The following CAPN14 variants were observed in gnomAD, a reference collection of about 807,000 sequenced individuals.
CAPN14 encodes the protein calpain 14.
In CAPN14, 94 loss-of-function variants were observed where a neutral mutation model predicts 101.3. That is an observed-to-expected ratio of 0.93 (90% CI 0.79 to 1.10). CAPN14 has a LOEUF of 1.10. Ranked by LOEUF, CAPN14 falls within the 50% of genes least tolerant of loss-of-function variation. The pLI, the probability that CAPN14 is intolerant of heterozygous loss-of-function variation, is 0.00. For synonymous variants in CAPN14, 338 were observed against 317.9 expected, an observed-to-expected ratio of 1.06 and a Z score of -0.67; for missense variants, 837 against 828.4, an observed-to-expected ratio of 1.01 and a Z score of -0.13.
chr2:31,200,323 C>A, intron 6 of CAPN14, 128 bp downstream of exon 6: 2 of 822,712 alleles, frequency 2.4e-6, no homozygotes, highest in Admixed American at 5.9e-5. Context: ...CTGGTTTGAA[C>A]ACCAGGACCT....
chr2:31,223,365 T>C (rs1307560039), intron 2 of CAPN14, among the ~76,000 whole-genome samples: 1 of 152,150 alleles, frequency 6.6e-6, no homozygotes, highest in Non-Finnish European at 1.5e-5. Flanking sequence ...GCTCCTTAAA[T>C]TATTCACACA....
At chr2:31,191,374 C>A in intron 12 of CAPN14, 25 bp downstream of exon 12, 2 of 1,542,122 alleles carry the variant, frequency 1.3e-6, no homozygotes, top group Non-Finnish European at 1.7e-6. Context: ...CAAACTAGGG[C>A]CACCCGGTCA....
At chr2:31,187,016 C>T (rs1342142951) in intron 15 of CAPN14, among the ~76,000 whole-genome samples, 1 of 152,156 alleles carries the variant, frequency 6.6e-6, no homozygotes, top group Non-Finnish European at 1.5e-5. Flanking sequence ...TCTGATTTAT[C>T]CTCTCCAGCT....
chr2:31,191,255 A>T, intron 12 of CAPN14, 144 bp downstream of exon 12: 1 of 789,532 alleles, frequency 1.3e-6, no homozygotes, highest in Admixed American at 3.0e-5. Flanking sequence ...ACACACAGGC[A>T]GCGGGCAGAC....
At chr2:31,217,224 T>TG (rs1307173210) in intron 1 of CAPN14, among the ~76,000 whole-genome samples, 1 of 152,024 alleles carries the variant, frequency 6.6e-6, no homozygotes, top group Non-Finnish European at 1.5e-5. Context: ...ATGAGGAGAT[T>TG]GGGGCCAAAG....
At chr2:31,215,626 G>T (rs1283298210) in intron 1 of CAPN14, among the ~76,000 whole-genome samples, 3 of 151,948 alleles carry the variant, frequency 2.0e-5, no homozygotes, top group Non-Finnish European at 4.4e-5. Flanking sequence ...GAAACCTCTT[G>T]TCTTCTCCTT....
chr2:31,206,028 TTATTTATTTA>T (rs1682064056), intron 1 of CAPN14, among the ~76,000 whole-genome samples: 1 of 123,610 alleles, frequency 8.1e-6, no homozygotes, highest in East Asian at 2.6e-4. Context: ...TTTATTTTTT[TTATTTATTTA>T]TTTTTTTTTT....
intron 14 of CAPN14, 114 bp downstream of exon 14, chr2:31,188,204 G>A: frequency 1.1e-6 from 1 of 904,128 alleles, no homozygotes. Context: ...CATAGAACAG[G>A]GTCTGTAAGG....
At chr2:31,182,807 A>C (rs938480193) in intron 16 of CAPN14, among the ~76,000 whole-genome samples, 10 of 151,762 alleles carry the variant, frequency 6.6e-5, no homozygotes, top group Non-Finnish European at 1.0e-4. Context: ...GCTACCAATG[A>C]CTTTCTTCAC....
At chr2:31,178,637 C>A (rs1572386686) in intron 17 of CAPN14, 58 bp from the exon 18 acceptor site, 1 of 1,123,010 alleles carries the variant, frequency 8.9e-7, no homozygotes, top group East Asian at 2.8e-5. Flanking sequence ...GCTTTGGAGG[C>A]AGTGATCAGC....
chr2:31,197,974 C>T (rs1311454090), intron 7 of CAPN14, among the ~76,000 whole-genome samples: 1 of 150,120 alleles, frequency 6.7e-6, no homozygotes, highest in Non-Finnish European at 1.5e-5. Flanking sequence ...TTTTCAAGCT[C>T]CCCTGCCCCC....
chr2:31,215,308 T>A (rs993026475), intron 1 of CAPN14, among the ~76,000 whole-genome samples: 2 of 150,912 alleles, frequency 1.3e-5, no homozygotes, highest in Non-Finnish European at 2.9e-5. Flanking sequence ...CTTCAGAGAG[T>A]CATGGAATTT....
In CAPN14 at chr2:31,194,444, A is replaced by T. The variant is rs1204915881; in HGVS notation, c.915T>A (p.Ile305=). The change falls in exon 9 of 22, where the codon ATT becomes ATA. Residue 305 remains isoleucine, a synonymous_variant. Coordinates refer to ENST00000403897, the MANE Select transcript of CAPN14 (RefSeq NM_001145122.2). The stretch of plus-strand genomic sequence containing the variant: ...CGTCATTGTCTTTCCTCAGAAGCAG[A>T]ATCTTCTCCTTGGGGCTCAGCAGCT... ...KWELLSPKEK[I]LLLRKDNDGE... is the part of the protein sequence containing the mutation. The T allele has an allele frequency of 1.9e-6, 3 of 1,551,478 alleles. No homozygotes were observed. Among genetic ancestry groups the T allele is most frequent in the Non-Finnish European group, 2.6e-6 (3 of 1,146,932 alleles).
At chr2:31,205,579 G>A in intron 1 of CAPN14, 80 bp from the exon 2 acceptor site, 1 of 737,966 alleles carries the variant, frequency 1.4e-6, no homozygotes, top group Non-Finnish European at 2.3e-6. Flanking sequence ...GGGAAGGATG[G>A]AGAGAATGGG....
Position 31,178,406 on chromosome 2 carries a change from G to A in CAPN14, c.1779+105C>T. On this transcript the variant is annotated intron_variant, in intron 18 of 21. Coordinates refer to ENST00000403897, the MANE Select transcript of CAPN14 (RefSeq NM_001145122.2). ...AGGGAGAATAGAGAAGGTTTGGTGA[G>A]GTGGATATAAAGGGCTGAAGGGGAC... The A allele has an allele frequency of 9.7e-6, 8 of 824,408 alleles. No individual in the cohort carries two copies. The South Asian group carries it at 1.2e-4, about 12-fold the overall frequency. 51.1% of individuals were successfully genotyped at this position (824,408 alleles called of 1,614,324 possible). A position where few individuals can be genotyped will look rare whatever the true frequency, so the allele number is the denominator to read the frequency against.
intron 17 of CAPN14, among the ~76,000 whole-genome samples, chr2:31,179,346 T>TTG (rs1680478271): frequency 6.6e-6 from 1 of 152,106 alleles, no homozygotes. Context: ...TTGCGATAGT[T>TTG]TGCTCAGAAT....
rs1681006867 is a variant in CAPN14 at position 31,188,359 on chromosome 2, G to GAAAA, written c.1494-6_1494-5insTTTT. The GAAAA allele has an allele frequency of 1.3e-6, 2 of 1,551,230 alleles. No individual in the cohort carries two copies. The highest frequency in any genetic ancestry group is 1.7e-6 in the Non-Finnish European group (2 of 1,146,766). On this transcript the variant is annotated splice_polypyrimidine_tract_variant and splice_region_variant and intron_variant, in intron 13 of 21. Transcript: ENST00000403897. ...CCAGAATTGCTGCCAATTTCACTGA[G>GAAAA]AACAAACAAACAAGAACAAACTCAG...
chr2:31,224,026 T>C (rs1022370308), intron 2 of CAPN14, among the ~76,000 whole-genome samples: 2 of 152,242 alleles, frequency 1.3e-5, no homozygotes, highest in Non-Finnish European at 2.9e-5. Flanking sequence ...TACATCTCAG[T>C]ATTGATCCAC....
At chr2:31,215,402 G>A (rs72786913) in intron 1 of CAPN14, among the ~76,000 whole-genome samples, 2,947 of 151,986 alleles carry the variant, frequency 0.019, 33 homozygotes, top group South Asian at 0.043. Context: ...TTCACGTCAC[G>A]CCCTCAAAAC....
Sources: allele counts gnomAD v4.1 joint callset (sites outside exome capture counted in the v4.1 genomes callset), GRCh38; gene constraint gnomAD v4.1.1; transcripts MANE v1.5; gene names NCBI Gene and HGNC (gene_info 2026-07-23, HGNC 2026-07-21).